Variants in TAS1R3 observed in about 807,000 individuals in gnomAD.
TAS1R3 encodes taste receptor type 1 member 3.
TAS1R3 carries 58 observed loss-of-function variants against 46.1 expected under a neutral mutation model. That is an observed-to-expected ratio of 1.26 (90% CI 1.02 to 1.57). TAS1R3 has a LOEUF of 1.57. Ranked by LOEUF, TAS1R3 falls within the 40% of genes most tolerant of loss-of-function variation. The probability of loss-of-function intolerance (pLI) is 0.00; values close to 1 mark genes in which losing one functional copy is unlikely to be tolerated. For synonymous variants in TAS1R3, 724 were observed against 544.7 expected, an observed-to-expected ratio of 1.33 and a Z score of -4.58; for missense variants, 1,422 against 1,185.8, an observed-to-expected ratio of 1.20 and a Z score of -2.93.
Position 1,334,631 on chromosome 1 carries a change from C to T in TAS1R3, c.*167C>T. 1 of 758,792 alleles carries T rather than the reference C, an allele frequency of 1.3e-6. No homozygotes were observed. The highest frequency in any genetic ancestry group is 2.1e-6 in the Non-Finnish European group (1 of 484,792). The allele number at this position is 758,792 out of a possible 1,614,324, so 47.0% of individuals were successfully genotyped here. On this transcript the variant is annotated 3_prime_UTR_variant, in exon 6 of 6. Coordinates refer to ENST00000339381, the MANE Select transcript of TAS1R3 (RefSeq NM_152228.3). The stretch of plus-strand genomic sequence containing the variant: ...GAGCCCTAGGCCTGGAGCACGTGGA[C>T]ACCCCTGTGACCATCTGGGCCCCAG...
intron 4 of TAS1R3, 41 bp downstream of exon 4, chr1:1,333,165 C>T: frequency 1.3e-6 from 2 of 1,599,244 alleles, no homozygotes; most frequent in South Asian, 2.2e-5. Context: ...CCGTGGTAGC[C>T]CCCGCGGCAG....
Position 1,334,151 on chromosome 1 carries a change from TC to T in TAS1R3, c.2248del (p.Leu750TrpfsTer108). The part of the protein sequence containing the change: ...TLAFLCFLGT[F>X]LVRSQPGCYN... Reference sequence around the variant, plus strand: ...GCCTTTCTCTGCTTCCTGGGCACTTTCCTGGTGCGGAGCCAGCCGGGCTGCT... The same window carrying T: ...GCCTTTCTCTGCTTCCTGGGCACTTTCTGGTGCGGAGCCAGCCGGGCTGCT... On this transcript the variant is annotated frameshift_variant, in exon 6 of 6. Transcript: ENST00000339381. LOFTEE classifies it low-confidence loss of function (END_TRUNC). 3 of 1,584,246 alleles carry T rather than the reference TC, an allele frequency of 1.9e-6. No homozygotes were observed. In the East Asian group the frequency reaches 6.9e-5, roughly 37 times the overall value.
chr1:1,334,278 C>T lies in TAS1R3; in HGVS notation c.2373C>T (p.Pro791=), dbSNP rs772704578. The change falls in exon 6 of 6, where the codon CCC becomes CCT. Residue 791 remains proline, a synonymous_variant. Coordinates refer to ENST00000339381, the MANE Select transcript of TAS1R3 (RefSeq NM_152228.3). ...CCAATGTGCAGGTGGTCCTCAGGCC[C>T]GCCGTGCAGATGGGCGCCCTCCTGC... ...LLANVQVVLR[P]AVQMGALLLC... is the part of the protein sequence containing the mutation. 3.5e-5 allele frequency: 57 copies of T among 1,611,604 alleles called. No individual in the cohort carries two copies. Among genetic ancestry groups the T allele is most frequent in the South Asian group, 1.2e-4 (11 of 90,946 alleles).
intron 4 of TAS1R3, 47 bp downstream of exon 4, chr1:1,333,171 G>A (rs369035252): frequency 2.5e-4 from 393 of 1,595,740 alleles, no homozygotes; most frequent in African/African-American, 4.1e-4. Flanking sequence ...TAGCCCCCGC[G>A]GCAGGGCGCA....
At position 1,332,072 on chromosome 1, in the gene TAS1R3, C is replaced by T. The variant is rs756209685; in HGVS notation, c.541C>T (p.Pro181Ser). 5 of 1,603,622 alleles carry T rather than the reference C, an allele frequency of 3.1e-6. No homozygotes were observed. The Admixed American group carries it at 6.7e-5, about 21-fold the overall frequency. Residue 181 changes from proline (P) to serine (S), a missense_variant, in exon 3 of 6, where the codon CCC becomes TCC. Coordinates refer to ENST00000339381, the MANE Select transcript of TAS1R3 (RefSeq NM_152228.3). ...MELLSARETF[P>S]SFFRTVPSDR... is the part of the protein sequence containing the mutation. ...GCTGCTGAGCGCCCGGGAGACCTTC[C>T]CCTCCTTCTTCCGCACCGTGCCCAG...
Position 1,333,888 on chromosome 1 carries a change from G to A in TAS1R3, c.1983G>A (p.Glu661=), listed in dbSNP as rs754063188. 1.9e-5 allele frequency: 30 copies of A among 1,600,516 alleles called. No individual in the cohort carries two copies. Among genetic ancestry groups the A allele is most frequent in the Non-Finnish European group, 2.5e-5 (29 of 1,179,848 alleles). The change falls in exon 6 of 6, where the codon GAG becomes GAA. Residue 661 remains glutamate (E), a synonymous_variant. Transcript: ENST00000339381. ...LFLQAAEIFV[E]SELPLSWADR... is the part of the protein sequence containing the mutation. ...TGCAGGCGGCCGAGATCTTCGTGGA[G>A]TCAGAACTGCCTCTGAGCTGGGCAG... is the stretch of plus-strand genomic sequence containing the variant.
Position 1,332,163 on chromosome 1 carries a change from C to T in TAS1R3, c.632C>T (p.Ala211Val). 1 of 1,597,828 alleles carries T rather than the reference C, an allele frequency of 6.3e-7. No homozygotes were observed. The highest frequency in any genetic ancestry group is 8.5e-7 in the Non-Finnish European group (1 of 1,178,930). The part of the protein sequence containing the change: ...LQEFGWNWVA[A>V]LGSDDEYGRQ... ...GAGTTCGGCTGGAACTGGGTGGCCG[C>T]CCTGGGCAGCGACGACGAGTACGGC... is the stretch of plus-strand genomic sequence containing the variant. Residue 211 changes from alanine (A) to valine (V), a missense_variant, in exon 3 of 6, where the codon GCC becomes GTC. Transcript: ENST00000339381.
rs1383642539 is a variant in TAS1R3 at position 1,333,578 on chromosome 1, G to A, written c.1673G>A (p.Arg558Lys). The change falls in exon 6 of 6, where the codon AGG becomes AAG. Residue 558 changes from arginine to lysine, a missense_variant. Transcript: ENST00000339381. ...PERSTRCFRR[R>K]SRFLAWGEPA... is the part of the protein sequence containing the mutation. Reference sequence around the variant, plus strand: ...CGAAGCACACGCTGCTTCCGCCGCAGGTCTCGGTTCCTGGCATGGGGCGAG... The same window carrying A: ...CGAAGCACACGCTGCTTCCGCCGCAAGTCTCGGTTCCTGGCATGGGGCGAG... 6 of 1,606,950 alleles carry A rather than the reference G, an allele frequency of 3.7e-6. No homozygotes were observed. The African/African-American group carries it at 5.3e-5, about 14-fold the overall frequency.
Position 1,332,804 on chromosome 1 carries a change from C to T in TAS1R3, c.1273C>T (p.Gln425Ter), listed in dbSNP as rs1422746208. 2 of 1,602,670 alleles carry T rather than the reference C, an allele frequency of 1.2e-6. No homozygotes were observed. The change falls in exon 3 of 6, where the codon CAG becomes TAG. Residue 425 changes from glutamine (Q) to a stop codon, truncating the protein, a stop_gained and splice_region_variant. Transcript: ENST00000339381. LOFTEE classifies it high-confidence loss of function. ...CPAQDPVKPW[Q>*]LLENMYNLTF... Reference sequence around the variant, plus strand: ...CGCGCAGGACCCCGTGAAGCCCTGGCAGGTGAGCCCGGGAGATGGGGGTGT... The same window carrying T: ...CGCGCAGGACCCCGTGAAGCCCTGGTAGGTGAGCCCGGGAGATGGGGGTGT...
Position 1,333,360 on chromosome 1 carries a change from C to A in TAS1R3, c.1581C>A (p.Gly527=). ...ACGACTGTGTGGACTGCGAGGCGGG[C>A]AGCTACCGGCAAAACCCAGGTGAGC... is the stretch of plus-strand genomic sequence containing the variant. ...CCYDCVDCEA[G]SYRQNPDDIA... Residue 527 remains glycine, a synonymous_variant, in exon 5 of 6, where the codon GGC becomes GGA. Coordinates refer to ENST00000339381, the MANE Select transcript of TAS1R3 (RefSeq NM_152228.3). The A allele has an allele frequency of 6.2e-7, 1 of 1,610,998 alleles. No homozygotes were observed. The highest frequency in any genetic ancestry group is 8.5e-7 in the Non-Finnish European group (1 of 1,179,292).
Position 1,333,656 on chromosome 1 carries a change from T to A in TAS1R3, c.1751T>A (p.Leu584Gln). The A allele has an allele frequency of 6.2e-7, 1 of 1,612,178 alleles. No homozygotes were observed. The highest frequency in any genetic ancestry group is 8.5e-7 in the Non-Finnish European group (1 of 1,179,926). The change falls in exon 6 of 6, where the codon CTG becomes CAG. Residue 584 changes from leucine (L) to glutamine (Q), a missense_variant. Physicochemically the swap from Leu to Gln is moderately radical, Grantham distance 113. Transcript: ENST00000339381. ...LLLSLALGLV[L>Q]AALGLFVHHR... is the part of the protein sequence containing the mutation. ...CTGAGCCTGGCGCTGGGCCTTGTGC[T>A]GGCTGCTTTGGGGCTGTTCGTTCAC...
chr1:1,332,053 G>C lies in TAS1R3; in HGVS notation c.522G>C (p.Leu174=). ...QVSYGASMEL[L]SARETFPSFF... is the part of the protein sequence containing the mutation. ...GCTACGGTGCTAGCATGGAGCTGCT[G>C]AGCGCCCGGGAGACCTTCCCCTCCT... Residue 174 remains leucine, a synonymous_variant, in exon 3 of 6, where the codon CTG becomes CTC. Transcript: ENST00000339381. 6.2e-7 allele frequency: 1 copy of C among 1,605,236 alleles called. No individual in the cohort carries two copies. Among genetic ancestry groups the C allele is most frequent in the Non-Finnish European group, 8.5e-7 (1 of 1,179,878 alleles).
At chr1:1,332,857 C>A (rs758907729) in intron 3 of TAS1R3, 51 bp downstream of exon 3, 13 of 1,587,514 alleles carry the variant, frequency 8.2e-6, no homozygotes, top group Non-Finnish European at 1.1e-5. Flanking sequence ...CCCAGGCCAC[C>A]AGGCACGGCC....
Position 1,334,444 on chromosome 1 carries a change from A to T in TAS1R3, c.2539A>T (p.Asn847Tyr). The change falls in exon 6 of 6, where the codon AAT becomes TAT. Residue 847 changes from asparagine to tyrosine, a missense_variant. Transcript: ENST00000339381. ...AGGCCAGAATGACGGGAACACAGGAAATCAGGGGAAACATGAGTGACCCAA... is the reference window on the plus strand; with the variant it reads ...AGGCCAGAATGACGGGAACACAGGATATCAGGGGAAACATGAGTGACCCAA... ...AQGQNDGNTG[N>Y]QGKHE 6.3e-7 allele frequency: 1 copy of T among 1,578,632 alleles called. No individual in the cohort carries two copies. The highest frequency in any genetic ancestry group is 8.6e-7 in the Non-Finnish European group (1 of 1,159,756).
At position 1,333,292 on chromosome 1, in the gene TAS1R3, GA is replaced by G; in HGVS notation, c.1514del (p.Glu505GlyfsTer72). On this transcript the variant is annotated frameshift_variant, in exon 5 of 6. Coordinates refer to ENST00000339381, the MANE Select transcript of TAS1R3 (RefSeq NM_152228.3). LOFTEE classifies it high-confidence loss of function. ...PVSRCSRQCQ[E>X]GQVRRVKGFH... ...GTCCCGGTGCTCGCGGCAGTGCCAG[GA>G]GGGCCAGGTGCGCCGGGTCAAGGGG... The G allele has an allele frequency of 6.3e-7, 1 of 1,598,944 alleles. No homozygotes were observed. Among genetic ancestry groups the G allele is most frequent in the Non-Finnish European group, 8.5e-7 (1 of 1,173,846 alleles).
chr1:1,331,784 G>C lies in TAS1R3; in HGVS notation c.338G>C (p.Ser113Thr). 6.2e-7 allele frequency: 1 copy of C among 1,612,916 alleles called. No homozygotes were observed. The highest frequency in any genetic ancestry group is 1.1e-5 in the South Asian group (1 of 91,092). The change falls in exon 2 of 6, where the codon AGC becomes ACC. Residue 113 changes from serine to threonine, a missense_variant. Ser to Thr is a moderately conservative substitution (Grantham distance 58). Transcript: ENST00000339381. ...CSEPVVAMKP[S>T]LMFLAKAGSR... is the part of the protein sequence containing the mutation. ...GAGCCTGTGGTGGCCATGAAGCCCA[G>C]CCTCATGTTCCTGGCCAAGGCAGGC... is the stretch of plus-strand genomic sequence containing the variant.
Position 1,331,770 on chromosome 1 carries a change from G to C in TAS1R3, c.324G>C (p.Val108=). 6.2e-7 allele frequency: 1 copy of C among 1,612,910 alleles called. No homozygotes were observed. The highest frequency in any genetic ancestry group is 1.1e-5 in the South Asian group (1 of 91,092). ...DLFDTCSEPV[V]AMKPSLMFLA... Reference sequence around the variant, plus strand: ...TTGATACGTGCTCGGAGCCTGTGGTGGCCATGAAGCCCAGCCTCATGTTCC... The same window carrying C: ...TTGATACGTGCTCGGAGCCTGTGGTCGCCATGAAGCCCAGCCTCATGTTCC... Residue 108 remains valine (V), a synonymous_variant, in exon 2 of 6, where the codon GTG becomes GTC. Transcript: ENST00000339381.
Position 1,331,733 on chromosome 1 carries a change from G to A in TAS1R3, c.287G>A (p.Gly96Asp), listed in dbSNP as rs1173167250. 1.9e-6 allele frequency: 3 copies of A among 1,612,830 alleles called. No individual in the cohort carries two copies. In the Admixed American group the frequency reaches 5.0e-5, roughly 27 times the overall value. ...KSDLLPGLRL[G>D]YDLFDTCSEP... ...GATCTGCTGCCCGGGCTGCGCCTGG[G>A]CTACGACCTCTTTGATACGTGCTCG... is the stretch of plus-strand genomic sequence containing the variant. The change falls in exon 2 of 6, where the codon GGC becomes GAC. Residue 96 changes from glycine (G) to aspartate (D), a missense_variant. Coordinates refer to ENST00000339381, the MANE Select transcript of TAS1R3 (RefSeq NM_152228.3).
At position 1,332,332 on chromosome 1, in the gene TAS1R3, C is replaced by A; in HGVS notation, c.801C>A (p.Ser267Arg). 1 of 1,607,234 alleles carries A rather than the reference C, an allele frequency of 6.2e-7. No individual in the cohort carries two copies. The stretch of plus-strand genomic sequence containing the variant: ...TCCTGCACCAGGTGAACCAGAGCAG[C>A]GTGCAGGTGGTGCTGCTGTTCGCCT... Reference protein sequence around the residue: ...QDVLHQVNQSSVQVVLLFASV... With the variant: ...QDVLHQVNQSRVQVVLLFASV... The change falls in exon 3 of 6, where the codon AGC (serine) becomes AGA (arginine). Residue 267 changes from serine to arginine, a missense_variant. Physicochemically the swap from Ser to Arg is moderately radical, Grantham distance 110 (BLOSUM62 -1). Coordinates refer to ENST00000339381, the MANE Select transcript of TAS1R3 (RefSeq NM_152228.3).
Sources: gnomAD v4.1 joint callset for allele counts on GRCh38, gnomAD v4.1.1 for gene constraint, MANE v1.5 for transcripts, NCBI Gene and HGNC (gene_info 2026-07-23, HGNC 2026-07-21) for gene names.